Variants in BBX observed in about 807,000 individuals in gnomAD.
BBX encodes the protein HMG box transcription factor BBX.
BBX carries 30 observed loss-of-function variants against 100.2 expected under a neutral mutation model. The ratio of observed to expected loss-of-function variants is 0.30; its 90% CI spans 0.22 to 0.41. The LOEUF (loss-of-function observed/expected upper bound fraction) is 0.41, where lower values mean the gene tolerates loss of function less well. Among genes scored for constraint, BBX ranks in the 10% least tolerant of loss-of-function variants. The pLI is 1.00. For missense variants in BBX, 1,023 were observed against 1,129.8 expected (o/e 0.91, Z 1.35); for synonymous variants, 376 against 388.1 (o/e 0.97, Z 0.37).
chr3:107,712,324 A>G (rs1378658838), intron 4 of BBX, among the ~76,000 whole-genome samples: 1 of 151,988 alleles, frequency 6.6e-6, no homozygotes, highest in Non-Finnish European at 1.5e-5. Flanking sequence ...TGAACTCTGG[A>G]CTCATATTTC....
chr3:107,724,468 A>T (rs574813353), intron 5 of BBX, among the ~76,000 whole-genome samples: 148 of 152,312 alleles, frequency 9.7e-4, no homozygotes, highest in African/African-American at 3.3e-3. Context: ...TGTTTTAGAC[A>T]TGAAGTCCTT....
intron 2 of BBX, among the ~76,000 whole-genome samples, chr3:107,612,180 GA>G (rs139616355): frequency 0.12 from 18,007 of 152,086 alleles, 1,296 homozygotes; most frequent in Middle Eastern, 0.19. Flanking sequence ...AATTCTGTCT[GA>G]AAGGTCACAT....
chr3:107,762,538 A>G (rs1257387517), intron 10 of BBX, among the ~76,000 whole-genome samples: 2 of 152,242 alleles, frequency 1.3e-5, no homozygotes, highest in African/African-American at 4.8e-5. Context: ...AGAAATGCAC[A>G]TCCTGAAAAA....
chr3:107,624,415 ACAT>A (rs1397369610), intron 2 of BBX, among the ~76,000 whole-genome samples: 1 of 152,214 alleles, frequency 6.6e-6, no homozygotes, highest in African/African-American at 2.4e-5. Context: ...AGGCTAATAA[ACAT>A]CATATTTACA....
At chr3:107,610,709 C>T (rs2054782477) in intron 2 of BBX, among the ~76,000 whole-genome samples, 2 of 151,708 alleles carry the variant, frequency 1.3e-5, no homozygotes, top group African/African-American at 4.8e-5. Context: ...TGTCTTTCCC[C>T]ACCCCCCTGG....
At chr3:107,584,052 T>C (rs1455942353) in intron 2 of BBX, among the ~76,000 whole-genome samples, 3 of 43,194 alleles carry the variant, frequency 6.9e-5, no homozygotes, top group South Asian at 8.5e-4. Flanking sequence ...ATATTATATA[T>C]ATTATATATA....
chr3:107,586,202 TATTATTAACTAACTTGTA>T (rs1269287418), intron 2 of BBX, among the ~76,000 whole-genome samples: 1 of 152,212 alleles, frequency 6.6e-6, no homozygotes, highest in Non-Finnish European at 1.5e-5. Context: ...GTTATTTATA[TATTATTAACTAACTTGTA>T]TACCAGAGAA....
intron 2 of BBX, among the ~76,000 whole-genome samples, chr3:107,531,085 T>C (rs949505101): frequency 6.6e-6 from 1 of 152,212 alleles, no homozygotes; most frequent in Non-Finnish European, 1.5e-5. Flanking sequence ...GGTCCTCCAA[T>C]TGACTTTGAG....
chr3:107,805,938 G>A lies in BBX; in HGVS notation c.*481G>A, dbSNP rs2071039775. On this transcript the variant is annotated 3_prime_UTR_variant, in exon 18 of 18. Transcript: ENST00000325805. ...TACATGGAGATTTAAGTTTAAGATG[G>A]TTTATATAATAGGTTATACCTACAT... 6.4e-6 allele frequency: 1 copy of A among 156,850 alleles called. No homozygotes were observed. Among genetic ancestry groups the A allele is most frequent in the Non-Finnish European group, 1.4e-5 (1 of 70,890 alleles). The allele number at this position is 156,850 out of a possible 1,614,324, so 9.7% of individuals were successfully genotyped here.
chr3:107,550,424 C>A (rs894321659), intron 2 of BBX, among the ~76,000 whole-genome samples: 4 of 152,046 alleles, frequency 2.6e-5, no homozygotes, highest in African/African-American at 9.7e-5. Flanking sequence ...TTGGGCACAT[C>A]CCCCTGAGCG....
At chr3:107,713,184 C>T (rs1207162041) in intron 4 of BBX, among the ~76,000 whole-genome samples, 1 of 152,174 alleles carries the variant, frequency 6.6e-6, no homozygotes, top group Non-Finnish European at 1.5e-5. Context: ...AATTAGTTAC[C>T]AGCCACTCTT....
intron 2 of BBX, among the ~76,000 whole-genome samples, chr3:107,591,999 T>A (rs1485716495): frequency 1.3e-5 from 2 of 152,168 alleles, no homozygotes; most frequent in Non-Finnish European, 2.9e-5. Context: ...GTGCAAAAAA[T>A]GTTATTTTTG....
chr3:107,529,498 G>A (rs2048006435), intron 2 of BBX, among the ~76,000 whole-genome samples: 2 of 152,200 alleles, frequency 1.3e-5, no homozygotes, highest in Admixed American at 1.3e-4. Flanking sequence ...AGTACACTGA[G>A]CAACACTGCT....
intron 3 of BBX, chr3:107,661,966 A>G (rs2058468249): frequency 1.1e-6 from 1 of 917,840 alleles, no homozygotes; most frequent in Non-Finnish European, 1.3e-6. Flanking sequence ...AGCATTTGTT[A>G]AGTGACTACT....
chr3:107,527,498 G>C (rs2047862851), intron 2 of BBX, among the ~76,000 whole-genome samples: 1 of 152,150 alleles, frequency 6.6e-6, no homozygotes, highest in Non-Finnish European at 1.5e-5. Context: ...TATTGAGTTA[G>C]AGGACTAGAC....
At chr3:107,711,464 C>A in intron 4 of BBX, 1 of 366,616 alleles carries the variant, frequency 2.7e-6, no homozygotes, top group Non-Finnish European at 5.4e-6. Flanking sequence ...ATTTTTCAGG[C>A]CTTTGACATC....
At chr3:107,643,054 A>G (rs914422381) in intron 2 of BBX, among the ~76,000 whole-genome samples, 1 of 152,218 alleles carries the variant, frequency 6.6e-6, no homozygotes, top group Admixed American at 6.5e-5. Flanking sequence ...ATCAGGGTGC[A>G]AAACACAGTT....
intron 3 of BBX, among the ~76,000 whole-genome samples, chr3:107,709,403 T>G (rs1055352856): frequency 1.3e-5 from 2 of 152,204 alleles, no homozygotes; most frequent in African/African-American, 4.8e-5. Context: ...TTTAACATCG[T>G]GTTAAAAGTT....
rs59614452 is a variant in BBX at position 107,616,005 on chromosome 3, C to CTTTTTTT, written c.-83-29800_-83-29794dup. Among the ~76,000 whole-genome samples the CTTTTTTT allele has an allele frequency of 1.2e-3, 23 of 19,244 alleles. 3 individuals carry two copies. Among genetic ancestry groups the CTTTTTTT allele is most frequent in the African/African-American group, 1.8e-3 (7 of 3,932 alleles). 12.6% of individuals were successfully genotyped at this position (19,244 alleles called of 152,430 possible). A position where few individuals can be genotyped will look rare whatever the true frequency, so the allele number is the denominator to read the frequency against. Reference sequence around the variant, plus strand: ...AGGAGAAGCACACGCTACTCACCTGCTTTTTTTTTTTTTTTTTTTTTTTTT... The same window carrying CTTTTTTT: ...AGGAGAAGCACACGCTACTCACCTGCTTTTTTTTTTTTTTTTTTTTTTTTTTTTTTTT... On this transcript the variant is annotated intron_variant, in intron 2 of 17. Transcript: ENST00000325805.
Sources: gnomAD v4.1 joint callset for allele counts (sites outside exome capture counted in the v4.1 genomes callset) on GRCh38, gnomAD v4.1.1 for gene constraint, MANE v1.5 for transcripts, NCBI Gene and HGNC (gene_info 2026-07-23, HGNC 2026-07-21) for gene names.